The following SND1 variants were observed in gnomAD, a reference collection of about 807,000 sequenced individuals.
The protein encoded by SND1 is staphylococcal nuclease domain-containing protein 1.
SND1 carries 38 observed loss-of-function variants against 121.7 expected under a neutral mutation model. The observed-to-expected ratio is 0.31, with a 90% CI of 0.24 to 0.41. The LOEUF (loss-of-function observed/expected upper bound fraction) is 0.41. Among genes scored for constraint, SND1 ranks in the 10% least tolerant of loss-of-function variants. The pLI, the probability that SND1 is intolerant of heterozygous loss-of-function variation, is 1.00. For missense variants in SND1, 868 were observed against 1,184.6 expected (o/e 0.73, Z 3.92); for synonymous variants, 401 against 447.4 (o/e 0.90, Z 1.31).
In SND1 at chr7:127,727,834, T is replaced by TGAAAAAAATTACTATTA. The variant is rs1796609108; in HGVS notation, c.1152+6438_1152+6454dup. On this transcript the variant is annotated intron_variant, in intron 10 of 23. Transcript: ENST00000354725. ...CTTGAAATCTTCTTTGTTAGAAGAC[T>TGAAAAAAATTACTATTA]GAAAAAAATTACTATTAGAAGACTG... 2.0e-5 allele frequency among the ~76,000 whole-genome samples: 3 copies of TGAAAAAAATTACTATTA among 152,296 alleles called. No individual in the cohort carries two copies. In the South Asian group the frequency reaches 6.2e-4, roughly 32 times the overall value.
chr7:128,045,175 G>A (rs1039026349), intron 16 of SND1, among the ~76,000 whole-genome samples: 4 of 152,168 alleles, frequency 2.6e-5, no homozygotes, highest in African/African-American at 7.2e-5. Context: ...ACCTGAAAAC[G>A]CCAACTTTCT....
At position 128,092,231 on chromosome 7, in the gene SND1, A is replaced by G. The variant is rs1584785233; in HGVS notation, c.*173A>G. Reference sequence around the variant, plus strand: ...TCGGGGCTGCGGGGTGGGGACCCCAAGGCTTTCTGGGGCAGACCCTTGTCC... The same window carrying G: ...TCGGGGCTGCGGGGTGGGGACCCCAGGGCTTTCTGGGGCAGACCCTTGTCC... On this transcript the variant is annotated 3_prime_UTR_variant, in exon 24 of 24. Coordinates refer to ENST00000354725, the MANE Select transcript of SND1 (RefSeq NM_014390.4). The surrounding 1 kb of genome is among the most constrained non-coding windows in gnomAD (Gnocchi z 4.9). 8 of 650,586 alleles carry G rather than the reference A, an allele frequency of 1.2e-5. 1 individual carries two copies. The highest frequency in any genetic ancestry group is 2.7e-5 in the East Asian group (1 of 36,524). The allele number at this position is 650,586 out of a possible 1,614,324, so 40.3% of individuals were successfully genotyped here.
chr7:127,767,358 A>G (rs922572642), intron 10 of SND1, among the ~76,000 whole-genome samples: 3 of 152,162 alleles, frequency 2.0e-5, no homozygotes, highest in African/African-American at 7.2e-5. Flanking sequence ...GTTTTGTTTC[A>G]GTAGATCACC....
At chr7:127,931,420 G>A (rs955622058) in intron 15 of SND1, among the ~76,000 whole-genome samples, 1 of 152,208 alleles carries the variant, frequency 6.6e-6, no homozygotes, top group Non-Finnish European at 1.5e-5. Context: ...AAAATTTGAA[G>A]CTGTTAGAGG....
intron 8 of SND1, among the ~76,000 whole-genome samples, chr7:127,705,828 A>C (rs1470200586): frequency 6.6e-6 from 1 of 152,244 alleles, no homozygotes; most frequent in African/African-American, 2.4e-5. Context: ...AGAATCTTAA[A>C]GTTATAATGG....
intron 12 of SND1, among the ~76,000 whole-genome samples, chr7:127,883,252 A>G (rs944780635): frequency 2.8e-4 from 43 of 152,274 alleles, no homozygotes; most frequent in African/African-American, 1.0e-3. Context: ...GTCCAATATT[A>G]TGCCAACATG....
chr7:127,880,076 T>C (rs532312142), intron 12 of SND1, among the ~76,000 whole-genome samples: 1 of 152,312 alleles, frequency 6.6e-6, no homozygotes, highest in South Asian at 2.1e-4. Flanking sequence ...TTAAATTGTG[T>C]GCCTTTCTGA....
At chr7:127,825,191 A>G (rs1181041301) in intron 11 of SND1, among the ~76,000 whole-genome samples, 1 of 152,116 alleles carries the variant, frequency 6.6e-6, no homozygotes, top group Non-Finnish European at 1.5e-5. Flanking sequence ...GCTCACTGCA[A>G]TCTCCGCCTC....
chr7:127,998,377 T>C (rs1307914581), intron 16 of SND1: 2 of 175,284 alleles, frequency 1.1e-5, no homozygotes, highest in Non-Finnish European at 2.5e-5. Context: ...CTCCAGCCAG[T>C]ATATTTAAAG....
At chr7:127,690,283 C>T (rs140715637) in intron 2 of SND1, among the ~76,000 whole-genome samples, 27 of 152,270 alleles carry the variant, frequency 1.8e-4, no homozygotes, top group African/African-American at 5.3e-4. Flanking sequence ...GGGTTACAAG[C>T]GCATTTGTGA....
intron 11 of SND1, among the ~76,000 whole-genome samples, chr7:127,821,880 T>C (rs919070111): frequency 1.3e-5 from 2 of 152,226 alleles, no homozygotes; most frequent in African/African-American, 4.8e-5. Flanking sequence ...AAAGCCATTA[T>C]GGAAACAGGT....
At chr7:127,872,898 A>AG (rs1799624022) in intron 12 of SND1, among the ~76,000 whole-genome samples, 1 of 152,196 alleles carries the variant, frequency 6.6e-6, no homozygotes, top group Non-Finnish European at 1.5e-5. Context: ...GAAAATAACT[A>AG]GGAGAATATC....
chr7:127,921,094 T>C (rs1800697188), intron 14 of SND1, among the ~76,000 whole-genome samples: 1 of 152,220 alleles, frequency 6.6e-6, no homozygotes. Flanking sequence ...TGGGTATTAC[T>C]TTATTCACAT....
intron 10 of SND1, among the ~76,000 whole-genome samples, chr7:127,787,493 T>C (rs1044628161): frequency 1.1e-4 from 16 of 152,240 alleles, no homozygotes; most frequent in African/African-American, 3.9e-4. Flanking sequence ...TTCCAATTTT[T>C]AAGGCTGTGT....
Position 128,029,402 on chromosome 7 carries a change from G to A in SND1, c.1779+38346G>A, listed in dbSNP as rs766500767. 5 of 1,614,230 alleles carry A rather than the reference G, an allele frequency of 3.1e-6. No homozygotes were observed. Among genetic ancestry groups the A allele is most frequent in the East Asian group, 4.5e-5 (2 of 44,892 alleles). ...ACACCCCAGTGTCTGAAAGCAGCAC[G>A]TGGGAAAAGTTCAAGGTGCCGTCGT... On this transcript the variant is annotated intron_variant, in intron 16 of 23. Coordinates refer to ENST00000354725, the MANE Select transcript of SND1 (RefSeq NM_014390.4). The surrounding 1 kb of genome is among the most constrained non-coding windows in gnomAD (Gnocchi z 4.2).
intron 15 of SND1, among the ~76,000 whole-genome samples, chr7:127,956,592 G>A (rs1326207600): frequency 6.6e-6 from 1 of 152,184 alleles, no homozygotes. Context: ...TAGAGCTTCA[G>A]CAGATCCCTA....
intron 3 of SND1, among the ~76,000 whole-genome samples, chr7:127,695,474 T>C (rs76658646): frequency 0.016 from 2,388 of 152,272 alleles, 66 homozygotes; most frequent in African/African-American, 0.054. Flanking sequence ...CCATGTGCCC[T>C]TACTTAACCC....
chr7:127,755,935 G>T (rs916923081), intron 10 of SND1, among the ~76,000 whole-genome samples: 1 of 152,196 alleles, frequency 6.6e-6, no homozygotes, highest in Non-Finnish European at 1.5e-5. Context: ...TGTAGTCTGG[G>T]TTTGATAATG....
chr7:127,942,807 C>T (rs1326947090), intron 15 of SND1, among the ~76,000 whole-genome samples: 2 of 152,180 alleles, frequency 1.3e-5, no homozygotes, highest in South Asian at 4.1e-4. Context: ...AATCTTCATT[C>T]TTCTAATAGC....
Sources: gnomAD v4.1 joint callset for allele counts (sites outside exome capture counted in the v4.1 genomes callset) on GRCh38, gnomAD v4.1.1 for gene constraint, Gnocchi (gnomAD v3.1) non-coding constraint, MANE v1.5 for transcripts, NCBI Gene and HGNC (gene_info 2026-07-23, HGNC 2026-07-21) for gene names.